ITK: variants seen among roughly 807,000 people sequenced by gnomAD.
The protein encoded by ITK is IL2 inducible T cell kinase, also known as tyrosine-protein kinase ITK/TSK.
A neutral mutation model predicts 87.6 loss-of-function variants in ITK; 45 were observed. The ratio of observed to expected loss-of-function variants is 0.51; its 90% CI spans 0.40 to 0.66. The LOEUF is 0.66. Among genes scored for constraint, ITK ranks in the 30% least tolerant of loss-of-function variants. ITK has a pLI of 0.00. For synonymous variants in ITK, 303 were observed against 273.6 expected (o/e 1.11, Z -1.06); for missense variants, 605 against 766.3 (o/e 0.79, Z 2.48).
At chr5:157,203,541 T>C (rs55922048) in intron 1 of ITK, among the ~76,000 whole-genome samples, 313 of 152,266 alleles carry the variant, frequency 2.1e-3, no homozygotes, top group Admixed American at 3.9e-3. Flanking sequence ...TATTTCACTA[T>C]GCATGCCCTA....
rs1361347852 is a variant in ITK at position 157,202,108 on chromosome 5, TTGGGCTAATGGCCTCCAACTC to T, written c.139-6779_139-6759del. On this transcript the variant is annotated intron_variant, in intron 1 of 16. Coordinates refer to ENST00000422843, the MANE Select transcript of ITK (RefSeq NM_005546.4). The stretch of plus-strand genomic sequence containing the variant: ...GTTTTTAGTTCCTGTGTTAGTTCAC[TTGGGCTAATGGCCTCCAACTC>T]TACCCATGTCGCTGCAAAGGACACA... 3.3e-5 allele frequency among the ~76,000 whole-genome samples: 5 copies of T among 152,360 alleles called. No individual in the cohort carries two copies. In the South Asian group the frequency reaches 8.3e-4, roughly 25 times the overall value.
intron 13 of ITK, chr5:157,245,233 A>C: frequency 4.8e-6 from 1 of 210,482 alleles, no homozygotes; most frequent in South Asian, 7.3e-5. Flanking sequence ...TAAAAAAAAA[A>C]AAAAAAAAAA....
At chr5:157,191,577 C>T (rs1349376837) in intron 1 of ITK, among the ~76,000 whole-genome samples, 2 of 152,180 alleles carry the variant, frequency 1.3e-5, no homozygotes, top group African/African-American at 4.8e-5. Flanking sequence ...GTATCTTTTG[C>T]AGAGTTATAA....
chr5:157,245,511 C>T (rs1176922978), intron 13 of ITK: 30 of 616,854 alleles, frequency 4.9e-5, no homozygotes, highest in Non-Finnish European at 8.7e-5. Context: ...TGAAGATAAA[C>T]TTACTCATCT....
chr5:157,246,407 T>G (rs1001901977), intron 15 of ITK, among the ~76,000 whole-genome samples: 3 of 152,200 alleles, frequency 2.0e-5, no homozygotes, highest in Non-Finnish European at 4.4e-5. Context: ...ATCTATTCTA[T>G]GCCAAGGGCT....
Position 157,239,004 on chromosome 5 carries a change from A to G in ITK, c.851+813A>G, listed in dbSNP as rs560015382. On this transcript the variant is annotated intron_variant, in intron 9 of 16. Transcript: ENST00000422843. ...GGACGTGGAGCAAGGGCAGGTGGCA[A>G]AGAGGAAGGGCCCGATCCAGGGATA... Among the ~76,000 whole-genome samples, 6 of 152,282 alleles carry G rather than the reference A, an allele frequency of 3.9e-5. No individual in the cohort carries two copies. In the South Asian group the frequency reaches 1.2e-3, roughly 32 times the overall value.
Position 157,211,493 on chromosome 5 carries a change from G to A in ITK, c.325+125G>A, listed in dbSNP as rs1019942467. On this transcript the variant is annotated intron_variant, in intron 3 of 16. Coordinates refer to ENST00000422843, the MANE Select transcript of ITK (RefSeq NM_005546.4). ...GCTGATTTCTCTTTTGGGGTTGGTG[G>A]AAGTTCCCAAGTTTTCATCCTGGGC... The A allele has an allele frequency of 4.7e-6, 4 of 844,234 alleles. No homozygotes were observed. The African/African-American group carries it at 6.6e-5, about 14-fold the overall frequency. The allele number at this position is 844,234 out of a possible 1,614,324, so 52.3% of individuals were successfully genotyped here. A position where few individuals can be genotyped will look rare whatever the true frequency, so the allele number is the denominator to read the frequency against.
chr5:157,206,939 A>G (rs1215607744), intron 1 of ITK, among the ~76,000 whole-genome samples: 3 of 152,152 alleles, frequency 2.0e-5, no homozygotes, highest in Non-Finnish European at 2.9e-5. Flanking sequence ...TACAGAGATT[A>G]TGACACAAAT....
intron 12 of ITK, 85 bp downstream of exon 12, chr5:157,243,879 G>A (rs1754965073): frequency 7.0e-6 from 9 of 1,286,390 alleles, no homozygotes; most frequent in African/African-American, 2.9e-5. Context: ...ACGCCAGGGG[G>A]TACTATCTCC....
intron 1 of ITK, among the ~76,000 whole-genome samples, chr5:157,190,888 G>A (rs1753740218): frequency 6.6e-6 from 1 of 152,180 alleles, no homozygotes; most frequent in Non-Finnish European, 1.5e-5. Context: ...GGCCCTTGTG[G>A]ATCATGGCAA....
chr5:157,220,686 A>G (rs962096976), intron 5 of ITK, among the ~76,000 whole-genome samples: 10 of 152,128 alleles, frequency 6.6e-5, no homozygotes, highest in Non-Finnish European at 1.5e-4. Context: ...CAGTTTCTCC[A>G]AATGCCATCC....
chr5:157,228,193 G>GCCAA (rs781532597), intron 6 of ITK, 103 bp from the exon 7 acceptor site: 22 of 776,264 alleles, frequency 2.8e-5, no homozygotes, highest in Non-Finnish European at 5.0e-5. Flanking sequence ...GCCAAATAAT[G>GCCAA]TGATATTCCC....
At chr5:157,231,842 A>G (rs915945125) in intron 7 of ITK, among the ~76,000 whole-genome samples, 1 of 152,252 alleles carries the variant, frequency 6.6e-6, no homozygotes, top group African/African-American at 2.4e-5. Context: ...AAAGAGGAAA[A>G]TACTACAGTT....
rs184752617 is a variant in ITK, at chr5:157,254,623, T to G, written c.*1945T>G. The G allele has an allele frequency of 9.2e-6, 2 of 218,132 alleles. No homozygotes were observed. Among genetic ancestry groups the G allele is most frequent in the Admixed American group, 1.2e-4 (2 of 17,300 alleles). 13.5% of individuals were successfully genotyped at this position (218,132 alleles called of 1,614,324 possible). On this transcript the variant is annotated 3_prime_UTR_variant, in exon 17 of 17. Transcript: ENST00000422843. ...AGTGGAGAGCCTCAAGATAAAACTC[T>G]GTCATTCAGAAGATGATTTTACTCA... is the stretch of plus-strand genomic sequence containing the variant.
chr5:157,198,850 C>A (rs1469905843), intron 1 of ITK, among the ~76,000 whole-genome samples: 14 of 152,160 alleles, frequency 9.2e-5, no homozygotes, highest in African/African-American at 3.4e-4. Flanking sequence ...GCAACCTCAA[C>A]CCCCCAGGCT....
At chr5:157,243,589 G>A in intron 11 of ITK, 34 bp from the exon 12 acceptor site, 3 of 1,594,438 alleles carry the variant, frequency 1.9e-6, no homozygotes, top group Non-Finnish European at 2.6e-6. Context: ...TCTACTGCTT[G>A]CTGACCCCAG....
At chr5:157,199,582 A>G (rs566197787) in intron 1 of ITK, 20 of 152,212 alleles carry the variant, frequency 1.3e-4, no homozygotes, top group Non-Finnish European at 2.6e-4. Flanking sequence ...TCTTCTGTGG[A>G]AAGTCCCAGC....
chr5:157,198,916 C>T (rs1580879347), intron 1 of ITK, among the ~76,000 whole-genome samples: 1 of 152,250 alleles, frequency 6.6e-6, no homozygotes, highest in East Asian at 1.9e-4. Flanking sequence ...GCATGTGCCA[C>T]CACACCTGGC....
intron 1 of ITK, among the ~76,000 whole-genome samples, chr5:157,191,437 G>A (rs1249200563): frequency 4.6e-5 from 7 of 152,110 alleles, no homozygotes; most frequent in Non-Finnish European, 1.0e-4. Context: ...GACAGAGCAA[G>A]GAATATTCTG....
Sources: allele counts gnomAD v4.1 joint callset (sites outside exome capture counted in the v4.1 genomes callset), GRCh38; gene constraint gnomAD v4.1.1; transcripts MANE v1.5; gene names NCBI Gene and HGNC (gene_info 2026-07-23, HGNC 2026-07-21).